Variants in CAPN12 observed in about 807,000 individuals in gnomAD.
The protein encoded by CAPN12 is calpain 12.
In CAPN12, 107 loss-of-function variants were observed where a neutral mutation model predicts 95.0. That is an observed-to-expected ratio of 1.13 (90% CI 0.96 to 1.32). The LOEUF (loss-of-function observed/expected upper bound fraction) is 1.32, where lower values mean the gene tolerates loss of function less well. Among genes scored for constraint, CAPN12 ranks in the 40% most tolerant of loss-of-function variants. The pLI is 0.00. For synonymous variants in CAPN12, 505 were observed against 415.5 expected (o/e 1.22, Z -2.62); for missense variants, 1,136 against 997.8 (o/e 1.14, Z -1.87).
chr19:38,733,716 T>C lies in CAPN12; in HGVS notation c.1944A>G (p.Ala648=), dbSNP rs1969802541. ...CCCTGTCCACACCTGCTGCATTCAG[T>C]GCCAGCCTCAGCTCGTAGGAGTTCA... ...GTMNSYELRL[A]LNAAGFHLNN... Residue 648 remains alanine, a synonymous_variant, in exon 18 of 21, where the codon GCA becomes GCG. Coordinates refer to ENST00000328867, the MANE Select transcript of CAPN12 (RefSeq NM_144691.4). 7 of 1,613,516 alleles carry C rather than the reference T, an allele frequency of 4.3e-6. No individual in the cohort carries two copies. Among genetic ancestry groups the C allele is most frequent in the Non-Finnish European group, 5.9e-6 (7 of 1,179,924 alleles).
Position 38,744,082 on chromosome 19 carries a change from C to G in CAPN12, c.84G>C (p.Arg28=). ...GVGAGRLQLF[R]GQSYEAIRAA... ...CCCGAATTGCCTCATAGCTCTGGCC[C>G]CGAAAAAGCTGCAGGCGCCCGGCTC... The change falls in exon 1 of 21, where the codon CGG becomes CGC. Residue 28 remains arginine, a synonymous_variant. Transcript: ENST00000328867. 6.2e-7 allele frequency: 1 copy of G among 1,614,214 alleles called. No individual in the cohort carries two copies.
At chr19:38,740,565 C>T (rs377159633) in intron 4 of CAPN12, among the ~76,000 whole-genome samples, 1 of 152,030 alleles carries the variant, frequency 6.6e-6, no homozygotes, top group East Asian at 1.9e-4. Flanking sequence ...TTTGGGAAGC[C>T]GAGGCAAGTG....
Position 38,736,179 on chromosome 19 carries a change from C to T in CAPN12, c.1514G>A (p.Ser505Asn). Residue 505 changes from serine (S) to asparagine (N), a missense_variant, in exon 12 of 21, where the codon AGC becomes AAC. Transcript: ENST00000328867. ...LRPGHYLVVP[S>N]TAHAGDEADF... ...AGCCTCGTCGCCGGCGTGGGCGGTG[C>T]TCGGCACCACCAGGTAGTGGCCTGG... The T allele has an allele frequency of 6.6e-7, 1 of 1,513,302 alleles. No individual in the cohort carries two copies. 93.7% of individuals were successfully genotyped at this position (1,513,302 alleles called of 1,614,324 possible). A position where few individuals can be genotyped will look rare whatever the true frequency, so the allele number is the denominator to read the frequency against.
chr19:38,734,713 C>G (rs1186610893), intron 15 of CAPN12, 100 bp downstream of exon 15: 1 of 1,123,366 alleles, frequency 8.9e-7, no homozygotes, highest in East Asian at 2.5e-5. Flanking sequence ...AGCCCAACTC[C>G]CAGCAGCGCG....
intron 3 of CAPN12, 166 bp downstream of exon 3, chr19:38,742,244 G>C (rs1256140468): frequency 3.1e-6 from 2 of 648,948 alleles, no homozygotes; most frequent in African/African-American, 3.7e-5. Flanking sequence ...AGAATTGCTT[G>C]AACCTGGGGG....
chr19:38,738,503 C>G lies in CAPN12; in HGVS notation c.805G>C (p.Val269Leu), dbSNP rs756487262. ...CGCACCTTGGTGAAGCCCAGGAACA[C>G]CTGGGGCAGCATCGTCAGTGGGGGT... Reference protein sequence around the residue: ...HAYSITGTHKVFLGFTKVRLL... With the variant: ...HAYSITGTHKLFLGFTKVRLL... Residue 269 changes from valine to leucine, a missense_variant and splice_region_variant, in exon 7 of 21, where the codon GTG (valine) becomes CTG (leucine). Physicochemically the swap from Val to Leu is conservative, Grantham distance 32 (BLOSUM62 1). Transcript: ENST00000328867. The G allele has an allele frequency of 3.1e-6, 5 of 1,612,852 alleles. No individual in the cohort carries two copies. The highest frequency in any genetic ancestry group is 2.7e-5 in the African/African-American group (2 of 74,936).
At chr19:38,733,602 C>G in intron 18 of CAPN12, 101 bp downstream of exon 18, 2 of 1,091,782 alleles carry the variant, frequency 1.8e-6, no homozygotes, top group South Asian at 1.4e-5. Flanking sequence ...CTGTGGATGG[C>G]CACAGTGCAG....
rs1192384850 is a variant in CAPN12 at position 38,737,309 on chromosome 19, G to A, written c.1209C>T (p.Pro403=). The A allele has an allele frequency of 4.8e-6, 3 of 622,456 alleles. No homozygotes were observed. Among genetic ancestry groups the A allele is most frequent in the Non-Finnish European group, 6.8e-6 (3 of 443,180 alleles). The allele number at this position is 622,456 out of a possible 1,614,324, so 38.6% of individuals were successfully genotyped here. A position where few individuals can be genotyped will look rare whatever the true frequency, so the allele number is the denominator to read the frequency against. ...DEEDDEDEEG[P]WGGWGAAGAR... ...CCCCTGCAGCCCCCCAGCCCCCCCAGGGCCCTTCCTCATCCTCGTCATCCT... is the reference window on the plus strand; with the variant it reads ...CCCCTGCAGCCCCCCAGCCCCCCCAAGGCCCTTCCTCATCCTCGTCATCCT... The change falls in exon 10 of 21, where the codon CCC becomes CCT. Residue 403 remains proline (P), a synonymous_variant. Coordinates refer to ENST00000328867, the MANE Select transcript of CAPN12 (RefSeq NM_144691.4).
At chr19:38,731,841 A>G (rs1171418788) in intron 18 of CAPN12, among the ~76,000 whole-genome samples, 1 of 152,214 alleles carries the variant, frequency 6.6e-6, no homozygotes, top group Non-Finnish European at 1.5e-5. Context: ...TTCTCTTCAC[A>G]AATATCTACC....
Position 38,730,378 on chromosome 19 carries a change from AGGTGGGCT to A in CAPN12, c.*466_*473del, listed in dbSNP as rs1315769927. On this transcript the variant is annotated 3_prime_UTR_variant, in exon 21 of 21. Transcript: ENST00000328867. ...GTCTCTGGGGACCCTCCAGAGGTGG[AGGTGGGCT>A]GATGGCCTGGCTGCCTGGTGGTTGA... 1 of 187,924 alleles carries A rather than the reference AGGTGGGCT, an allele frequency of 5.3e-6. No individual in the cohort carries two copies. Among genetic ancestry groups the A allele is most frequent in the Admixed American group, 5.4e-5 (1 of 18,498 alleles). The allele number at this position is 187,924 out of a possible 1,614,324, so 11.6% of individuals were successfully genotyped here. A position where few individuals can be genotyped will look rare whatever the true frequency, so the allele number is the denominator to read the frequency against.
chr19:38,730,480 A>T lies in CAPN12; in HGVS notation c.*372T>A, dbSNP rs1969496641. The T allele has an allele frequency of 4.1e-6, 1 of 244,420 alleles. No homozygotes were observed. The highest frequency in any genetic ancestry group is 8.0e-6 in the Non-Finnish European group (1 of 124,542). 15.1% of individuals were successfully genotyped at this position (244,420 alleles called of 1,614,324 possible). A position where few individuals can be genotyped will look rare whatever the true frequency, so the allele number is the denominator to read the frequency against. ...TGATTTTTTTTCTTGGTTTCTGGAT[A>T]AACCACCCTCTGGGGACAGGATAAT... is the stretch of plus-strand genomic sequence containing the variant. On this transcript the variant is annotated 3_prime_UTR_variant, in exon 21 of 21. Coordinates refer to ENST00000328867, the MANE Select transcript of CAPN12 (RefSeq NM_144691.4).
Position 38,730,691 on chromosome 19 carries a change from C to G in CAPN12, c.*161G>C. On this transcript the variant is annotated 3_prime_UTR_variant, in exon 21 of 21. Transcript: ENST00000328867. Reference sequence around the variant, plus strand: ...TGTTCTTGTTTCTGAGTGAGGAGTACGCAGGCCAGAGTGGTCACCCGGCCG... The same window carrying G: ...TGTTCTTGTTTCTGAGTGAGGAGTAGGCAGGCCAGAGTGGTCACCCGGCCG... The G allele has an allele frequency of 3.8e-6, 3 of 781,592 alleles. No homozygotes were observed. The highest frequency in any genetic ancestry group is 6.2e-6 in the Non-Finnish European group (3 of 480,714). 48.4% of individuals were successfully genotyped at this position (781,592 alleles called of 1,614,324 possible).
In CAPN12 at chr19:38,736,249, G is replaced by C; in HGVS notation, c.1444C>G (p.Pro482Ala). 6.8e-7 allele frequency: 1 copy of C among 1,477,070 alleles called. No individual in the cohort carries two copies. The highest frequency in any genetic ancestry group is 2.8e-5 in the East Asian group (1 of 36,032). The allele number at this position is 1,477,070 out of a possible 1,614,324, so 91.5% of individuals were successfully genotyped here. ...LPRLLRADRS[P>A]LSARRDVTRR... ...GTCACGTCGCGGCGGGCGCTGAGGG[G>C]CGAGCGGTCGGCGCGCAGCAGCCGG... is the stretch of plus-strand genomic sequence containing the variant. The change falls in exon 12 of 21, where the codon CCC (proline) becomes GCC (alanine). Residue 482 changes from proline (P) to alanine (A), a missense_variant. Coordinates refer to ENST00000328867, the MANE Select transcript of CAPN12 (RefSeq NM_144691.4).
Position 38,735,604 on chromosome 19 carries a change from G to A in CAPN12, c.1584-60C>T, listed in dbSNP as rs1458414383. The A allele has an allele frequency of 3.8e-6, 6 of 1,570,280 alleles. No individual in the cohort carries two copies. In the East Asian group the frequency reaches 6.9e-5, roughly 18 times the overall value. ...GTTTGCCCCAGCTGGGGCTGTGTGG[G>A]ACGGGGTCTCAGGTGAGGAATCGCG... On this transcript the variant is annotated intron_variant, in intron 12 of 20. Transcript: ENST00000328867.
At chr19:38,736,517 A>T (rs1198328600) in intron 11 of CAPN12, 35 bp downstream of exon 11, 2 of 1,229,128 alleles carry the variant, frequency 1.6e-6, no homozygotes, top group Admixed American at 2.3e-5. Context: ...AGGTTGACCA[A>T]GCCCCAGGGC....
chr19:38,736,590 C>T lies in CAPN12; in HGVS notation c.1363-27G>A, dbSNP rs751733072. ...TGAAAGAAGCAAGAGCAAGGGGCGTCGGGGCAGGGGAGAGGTGGCCGCCGC... is the reference window on the plus strand; with the variant it reads ...TGAAAGAAGCAAGAGCAAGGGGCGTTGGGGCAGGGGAGAGGTGGCCGCCGC... On this transcript the variant is annotated intron_variant, in intron 10 of 20. Transcript: ENST00000328867. 19 of 1,603,566 alleles carry T rather than the reference C, an allele frequency of 1.2e-5. No homozygotes were observed. In the East Asian group the frequency reaches 1.8e-4, roughly 15 times the overall value.
intron 3 of CAPN12, 137 bp from the exon 4 acceptor site, chr19:38,742,047 C>A (rs999314907): frequency 2.3e-6 from 3 of 1,304,196 alleles, no homozygotes; most frequent in Middle Eastern, 2.2e-4. Flanking sequence ...TATGGCTGGC[C>A]GGGTGCGGTG....
intron 4 of CAPN12, 124 bp from the exon 5 acceptor site, chr19:38,740,343 T>C: frequency 9.2e-7 from 1 of 1,088,672 alleles, no homozygotes; most frequent in South Asian, 1.7e-5. Context: ...CCTGAAGTTT[T>C]GAGACTTTTT....
At chr19:38,731,315 G>T in intron 18 of CAPN12, 92 bp from the exon 19 acceptor site, 1 of 948,592 alleles carries the variant, frequency 1.1e-6, no homozygotes, top group Non-Finnish European at 1.7e-6. Context: ...GGACATGAAT[G>T]CCACAGGGTG....
Sources: gnomAD v4.1 joint callset for allele counts (sites outside exome capture counted in the v4.1 genomes callset) on GRCh38, gnomAD v4.1.1 for gene constraint, MANE v1.5 for transcripts, NCBI Gene and HGNC (gene_info 2026-07-23, HGNC 2026-07-21) for gene names.